The following PCBP3 variants were observed in gnomAD, a reference collection of about 807,000 sequenced individuals.
PCBP3 encodes the protein poly(rC)-binding protein 3.
Under a neutral mutation model 52.7 loss-of-function variants are expected in PCBP3, and 25 were observed. The observed-to-expected ratio is 0.47, with a 90% CI of 0.35 to 0.66. The LOEUF (loss-of-function observed/expected upper bound fraction) is 0.66, where lower values mean the gene tolerates loss of function less well. PCBP3 is among the 30% of genes least tolerant of loss of function. PCBP3 has a pLI of 0.01. For missense variants in PCBP3, 391 were observed against 490.3 expected, an observed-to-expected ratio of 0.80 and a Z score of 1.91; for synonymous variants, 162 against 183.0, an observed-to-expected ratio of 0.89 and a Z score of 0.93.
chr21:45,935,877 C>T (rs374994997), intron 16 of PCBP3, among the ~76,000 whole-genome samples: 4 of 152,248 alleles, frequency 2.6e-5, no homozygotes, highest in East Asian at 1.9e-4. Context: ...AGAGTAAGCA[C>T]GGGTCTTGAG....
intron 2 of PCBP3, among the ~76,000 whole-genome samples, chr21:45,673,164 G>A (rs1002090397): frequency 3.9e-5 from 6 of 152,184 alleles, no homozygotes; most frequent in African/African-American, 1.4e-4. Flanking sequence ...GTTGAAATAT[G>A]TATTTAATAA....
In PCBP3 at chr21:45,941,749, C is replaced by T; in HGVS notation, c.*43C>T. 6.4e-7 allele frequency: 1 copy of T among 1,553,238 alleles called. No individual in the cohort carries two copies. Among genetic ancestry groups the T allele is most frequent in the Middle Eastern group, 1.7e-4 (1 of 5,898 alleles). On this transcript the variant is annotated 3_prime_UTR_variant, in exon 18 of 18. Coordinates refer to ENST00000681687, the MANE Select transcript of PCBP3 (RefSeq NM_001384156.1). ...CCCCCGCGTCACCCACCTGCCAGAG[C>T]CTAAGGCCCCCGGCTCTCGCACTCT...
At position 45,739,860 on chromosome 21, in the gene PCBP3, C is replaced by T. The variant is rs759672932; in HGVS notation, c.-162+4431C>T. Among the ~76,000 whole-genome samples the T allele has an allele frequency of 1.1e-4, 16 of 152,220 alleles. 1 individual carries two copies. Among genetic ancestry groups the T allele is most frequent in the Admixed American group, 3.9e-4 (6 of 15,292 alleles). ...TAGTCACTGTCACACACACTCTCTT[C>T]GCTTTGCCTCTGTGTCCTCCCAGTG... On this transcript the variant is annotated intron_variant, in intron 3 of 17. Coordinates refer to ENST00000681687, the MANE Select transcript of PCBP3 (RefSeq NM_001384156.1).
At chr21:45,911,462 C>CGTCAAACCACCGTGGAGGAACAGAG (rs2096392683) in intron 11 of PCBP3, among the ~76,000 whole-genome samples, 1 of 152,010 alleles carries the variant, frequency 6.6e-6, no homozygotes, top group Non-Finnish European at 1.5e-5. Flanking sequence ...CAGAAGGAGG[C>CGTCAAACCACCGTGGAGGAACAGAG]GTCAAACCAC....
At chr21:45,744,388 G>A (rs1292566536) in intron 3 of PCBP3, 6 of 151,984 alleles carry the variant, frequency 3.9e-5, no homozygotes, top group East Asian at 3.9e-4. Context: ...AGGCACTGGG[G>A]TCTTGCTTAG....
At chr21:45,939,082 G>T (rs1278821661) in intron 16 of PCBP3, among the ~76,000 whole-genome samples, 1 of 152,242 alleles carries the variant, frequency 6.6e-6, no homozygotes, top group African/African-American at 2.4e-5. Context: ...CGGGAGGTGG[G>T]AGTGGACTCT....
At chr21:45,727,470 C>T (rs2085136137) in intron 2 of PCBP3, among the ~76,000 whole-genome samples, 2 of 152,326 alleles carry the variant, frequency 1.3e-5, no homozygotes, top group South Asian at 2.1e-4. Flanking sequence ...GCACGGCTGC[C>T]AGGCAGGGCC....
chr21:45,828,463 CA>C (rs1476314048), intron 4 of PCBP3: 1 of 152,216 alleles, frequency 6.6e-6, no homozygotes, highest in Non-Finnish European at 1.5e-5. Context: ...GATCAGTTCG[CA>C]ACAACTTGAA....
chr21:45,909,736 CTGG>C (rs1271571145), intron 10 of PCBP3, among the ~76,000 whole-genome samples: 6 of 149,130 alleles, frequency 4.0e-5, no homozygotes, highest in African/African-American at 7.4e-5. Context: ...AGATACAGAC[CTGG>C]CCCACCCACT....
chr21:45,710,519 T>C (rs1003282544), intron 2 of PCBP3, among the ~76,000 whole-genome samples: 5 of 152,178 alleles, frequency 3.3e-5, no homozygotes, highest in Non-Finnish European at 7.3e-5. Flanking sequence ...TATTCCATGG[T>C]GTATATGTGC....
intron 15 of PCBP3, 93 bp downstream of exon 15, chr21:45,930,938 T>C: frequency 3.9e-6 from 6 of 1,556,928 alleles, no homozygotes; most frequent in Non-Finnish European, 5.2e-6. Context: ...GCTGCAGCAG[T>C]TTCCAGCTTC....
At chr21:45,651,799 C>T (rs1415954164) in intron 1 of PCBP3, among the ~76,000 whole-genome samples, 1 of 152,206 alleles carries the variant, frequency 6.6e-6, no homozygotes, top group African/African-American at 2.4e-5. Context: ...TCCTTTTCTA[C>T]CTAACCATCT....
rs987619965 is a variant in PCBP3, at chr21:45,737,124, G to A, written c.-162+1695G>A. ...GCGGGGCAGGAGGTGAGAGTGCCGCGGGTTAGGAGGTGAGGGTGCAGCTGG... is the reference window on the plus strand; with the variant it reads ...GCGGGGCAGGAGGTGAGAGTGCCGCAGGTTAGGAGGTGAGGGTGCAGCTGG... On this transcript the variant is annotated intron_variant, in intron 3 of 17. Transcript: ENST00000681687. This position sits in a 1 kb window ranked among gnomAD's most constrained non-coding sequence, Gnocchi z 4.9. Among the ~76,000 whole-genome samples the A allele has an allele frequency of 3.9e-5, 6 of 152,150 alleles. No individual in the cohort carries two copies. The East Asian group carries it at 7.8e-4, about 20-fold the overall frequency.
chr21:45,785,096 A>G (rs912443139), intron 4 of PCBP3, among the ~76,000 whole-genome samples: 401 of 145,212 alleles, frequency 2.8e-3, no homozygotes, highest in Non-Finnish European at 4.1e-3. Flanking sequence ...TGTGAGGAGC[A>G]TCTCTGCCCG....
chr21:45,879,566 A>G (rs1439248121), intron 5 of PCBP3, among the ~76,000 whole-genome samples: 1 of 152,208 alleles, frequency 6.6e-6, no homozygotes, highest in African/African-American at 2.4e-5. Flanking sequence ...TATTCCATGT[A>G]AAAAACTAAA....
At chr21:45,727,221 G>T (rs1194638944) in intron 2 of PCBP3, among the ~76,000 whole-genome samples, 1 of 152,108 alleles carries the variant, frequency 6.6e-6, no homozygotes, top group Non-Finnish European at 1.5e-5. Context: ...AAATGTCAAG[G>T]TTCTTATTTT....
intron 2 of PCBP3, among the ~76,000 whole-genome samples, chr21:45,679,577 A>G (rs2081702749): frequency 6.6e-6 from 1 of 152,216 alleles, no homozygotes; most frequent in Admixed American, 6.5e-5. Flanking sequence ...TTGCTTTATT[A>G]TGGTACCTGA....
intron 3 of PCBP3, among the ~76,000 whole-genome samples, chr21:45,752,413 T>A (rs2087602722): frequency 6.6e-6 from 1 of 152,084 alleles, no homozygotes; most frequent in Non-Finnish European, 1.5e-5. Flanking sequence ...TTCAGCTTTT[T>A]AAAAATATAG....
At chr21:45,722,383 T>C (rs2084713951) in intron 2 of PCBP3, among the ~76,000 whole-genome samples, 1 of 152,250 alleles carries the variant, frequency 6.6e-6, no homozygotes, top group Non-Finnish European at 1.5e-5. Context: ...TTTTCACACA[T>C]TTCTGAATTT....
Sources: gnomAD v4.1 joint callset for allele counts (sites outside exome capture counted in the v4.1 genomes callset) on GRCh38, gnomAD v4.1.1 for gene constraint, Gnocchi (gnomAD v3.1) non-coding constraint, MANE v1.5 for transcripts, NCBI Gene and HGNC (gene_info 2026-07-23, HGNC 2026-07-21) for gene names.